Variants in MRTFA observed in about 807,000 individuals in gnomAD.
The protein encoded by MRTFA is myocardin-related transcription factor A.
Under a neutral mutation model 83.5 loss-of-function variants are expected in MRTFA, and 20 were observed. The ratio of observed to expected loss-of-function variants is 0.24; its 90% CI spans 0.17 to 0.35. The LOEUF is 0.35. Among genes scored for constraint, MRTFA ranks in the 10% least tolerant of loss-of-function variants. MRTFA has a pLI of 1.00. For missense variants in MRTFA, 1,200 were observed against 1,224.7 expected (o/e 0.98, Z 0.30); for synonymous variants, 659 against 541.2 (o/e 1.22, Z -3.02).
intron 1 of MRTFA, among the ~76,000 whole-genome samples, chr22:40,617,631 G>C (rs1181197872): frequency 1.3e-5 from 2 of 151,554 alleles, no homozygotes; most frequent in Non-Finnish European, 2.9e-5. Context: ...GGAGGCTGAG[G>C]CAGGAGAATG....
chr22:40,524,504 G>C (rs1021156348), intron 3 of MRTFA, among the ~76,000 whole-genome samples: 16 of 152,122 alleles, frequency 1.1e-4, no homozygotes, highest in African/African-American at 3.9e-4. Context: ...CAAGAACATG[G>C]CCTAACACAA....
At chr22:40,519,830 G>A (rs1023927280) in intron 3 of MRTFA, among the ~76,000 whole-genome samples, 5 of 152,158 alleles carry the variant, frequency 3.3e-5, no homozygotes, top group Non-Finnish European at 7.3e-5. Context: ...CAGACTCTAT[G>A]AGGTAATTTT....
chr22:40,545,673 T>C (rs558225879), intron 3 of MRTFA, among the ~76,000 whole-genome samples: 4 of 151,878 alleles, frequency 2.6e-5, no homozygotes, highest in African/African-American at 7.3e-5. Context: ...CCTCAGGCGA[T>C]CCACCCACCT....
intron 13 of MRTFA, 36 bp from the exon 14 acceptor site, chr22:40,417,082 A>T (rs768092860): frequency 6.4e-7 from 1 of 1,550,688 alleles, no homozygotes. Context: ...AGAGATAAAA[A>T]TCTTGAATGG....
chr22:40,612,045 T>C (rs1023535115), intron 1 of MRTFA, among the ~76,000 whole-genome samples: 1 of 152,164 alleles, frequency 6.6e-6, no homozygotes, highest in Non-Finnish European at 1.5e-5. Flanking sequence ...ACCAAAGAAA[T>C]GGTAGTTGAA....
In MRTFA at chr22:40,416,590, C is replaced by G. The variant is rs1159411757; in HGVS notation, c.2578+396G>C. On this transcript the variant is annotated intron_variant, in intron 14 of 14. Transcript: ENST00000355630. The surrounding 1 kb of genome is among the most constrained non-coding windows in gnomAD (Gnocchi z 4.2). Reference sequence around the variant, plus strand: ...CACAGCTGCCCCTGCTCACAGGAGACATCCTGGACCTTCCCCACCAGGCTC... The same window carrying G: ...CACAGCTGCCCCTGCTCACAGGAGAGATCCTGGACCTTCCCCACCAGGCTC... Among the ~76,000 whole-genome samples, 1 of 152,218 alleles carries G rather than the reference C, an allele frequency of 6.6e-6. No individual in the cohort carries two copies.
At chr22:40,460,969 C>T (rs1472958200) in intron 4 of MRTFA, among the ~76,000 whole-genome samples, 1 of 152,016 alleles carries the variant, frequency 6.6e-6, no homozygotes, top group African/African-American at 2.4e-5. Flanking sequence ...GAGGGTTAGG[C>T]AGGAGGACCG....
chr22:40,462,492 A>C (rs895789825), intron 4 of MRTFA, among the ~76,000 whole-genome samples: 1 of 152,226 alleles, frequency 6.6e-6, no homozygotes, highest in Non-Finnish European at 1.5e-5. Flanking sequence ...GATAACATAC[A>C]AACAGAAAAG....
At chr22:40,535,279 G>T (rs966319664) in intron 3 of MRTFA, among the ~76,000 whole-genome samples, 2 of 151,688 alleles carry the variant, frequency 1.3e-5, no homozygotes, top group Admixed American at 6.6e-5. Flanking sequence ...ATCCCTAAAA[G>T]GTTGAGAAGA....
chr22:40,490,349 C>T (rs769215578), intron 3 of MRTFA, among the ~76,000 whole-genome samples: 14 of 152,180 alleles, frequency 9.2e-5, no homozygotes, highest in Non-Finnish European at 1.6e-4. Context: ...GCCTGTAATC[C>T]TAGCACTTTG....
intron 1 of MRTFA, among the ~76,000 whole-genome samples, chr22:40,604,275 C>T (rs1021952506): frequency 2.6e-5 from 4 of 151,654 alleles, no homozygotes; most frequent in Non-Finnish European, 4.4e-5. Context: ...GGACTACAGG[C>T]GCCCGCCACC....
At chr22:40,595,116 CTTTTTTTTT>C (rs778797295) in intron 1 of MRTFA, among the ~76,000 whole-genome samples, 6 of 119,302 alleles carry the variant, frequency 5.0e-5, no homozygotes, top group African/African-American at 1.6e-4. Flanking sequence ...TGATAAATGC[CTTTTTTTTT>C]TTTTTTTTTT....
At chr22:40,470,238 T>A (rs1360479967) in intron 3 of MRTFA, among the ~76,000 whole-genome samples, 1 of 19,836 alleles carries the variant, frequency 5.0e-5, no homozygotes, top group African/African-American at 1.4e-4. Flanking sequence ...ATTTTATATA[T>A]ATATATATAT....
At chr22:40,539,379 G>A (rs1243587695) in intron 3 of MRTFA, among the ~76,000 whole-genome samples, 10 of 138,648 alleles carry the variant, frequency 7.2e-5, no homozygotes, top group Admixed American at 2.9e-4. Flanking sequence ...TTGCTCTGTC[G>A]CCCAGGCTGG....
intron 3 of MRTFA, among the ~76,000 whole-genome samples, chr22:40,540,172 A>G (rs2055265622): frequency 6.6e-6 from 1 of 152,052 alleles, no homozygotes; most frequent in Admixed American, 6.6e-5. Flanking sequence ...TCAGCCTCCC[A>G]AAGTGGTAGG....
In MRTFA at chr22:40,459,882, T is replaced by G. The variant is rs1181069311; in HGVS notation, c.307+3339A>C. Among the ~76,000 whole-genome samples the G allele has an allele frequency of 3.7e-5, 5 of 135,182 alleles. No homozygotes were observed. In the South Asian group the frequency reaches 7.7e-4, roughly 21 times the overall value. 88.7% of individuals were successfully genotyped at this position (135,182 alleles called of 152,430 possible). Reference sequence around the variant, plus strand: ...ATATATACACACATGAATGATACTTTCTCAAGGAGATCATAGTCTAGCAGG... The same window carrying G: ...ATATATACACACATGAATGATACTTGCTCAAGGAGATCATAGTCTAGCAGG... On this transcript the variant is annotated intron_variant, in intron 4 of 14. Coordinates refer to ENST00000355630, the MANE Select transcript of MRTFA (RefSeq NM_020831.6).
At chr22:40,630,088 G>T (rs993545277) in intron 1 of MRTFA, among the ~76,000 whole-genome samples, 1 of 151,982 alleles carries the variant, frequency 6.6e-6, no homozygotes, top group African/African-American at 2.4e-5. Flanking sequence ...CAAGGCAGGC[G>T]GATCACCTGA....
chr22:40,595,116 CTTTTTTT>C (rs778797295), intron 1 of MRTFA, among the ~76,000 whole-genome samples: 2 of 119,300 alleles, frequency 1.7e-5, no homozygotes, highest in African/African-American at 3.2e-5. Context: ...TGATAAATGC[CTTTTTTT>C]TTTTTTTTTT....
chr22:40,463,747 T>C (rs1480352744), intron 3 of MRTFA, among the ~76,000 whole-genome samples: 1 of 152,232 alleles, frequency 6.6e-6, no homozygotes, highest in Non-Finnish European at 1.5e-5. Flanking sequence ...ATTTGTAAAC[T>C]CTTTTTCTTT....
Sources: gnomAD v4.1 joint callset for allele counts (sites outside exome capture counted in the v4.1 genomes callset) on GRCh38, gnomAD v4.1.1 for gene constraint, Gnocchi (gnomAD v3.1) non-coding constraint, MANE v1.5 for transcripts, NCBI Gene and HGNC (gene_info 2026-07-23, HGNC 2026-07-21) for gene names.